The following SLC2A1 variants were observed in gnomAD, a reference collection of about 807,000 sequenced individuals.
SLC2A1 encodes solute carrier family 2 member 1.
SLC2A1 carries 4 observed loss-of-function variants against 46.6 expected under a neutral mutation model. That is an observed-to-expected ratio of 0.09 (90% CI 0.04 to 0.20). The LOEUF (loss-of-function observed/expected upper bound fraction) is 0.20. Ranked by LOEUF, SLC2A1 falls within the 10% of genes least tolerant of loss-of-function variation. The probability of loss-of-function intolerance (pLI) is 1.00; values close to 1 mark genes in which losing one functional copy is unlikely to be tolerated. For synonymous variants in SLC2A1, 253 were observed against 270.0 expected (o/e 0.94, Z 0.62); for missense variants, 352 against 667.0 (o/e 0.53, Z 5.20).
chr1:42,942,686 C>T (rs1427981485), intron 2 of SLC2A1, among the ~76,000 whole-genome samples: 1 of 151,944 alleles, frequency 6.6e-6, no homozygotes, highest in Admixed American at 6.6e-5. Context: ...GGTATGAGTG[C>T]AGGCTCAAGG....
At position 42,927,200 on chromosome 1, in the gene SLC2A1, G is replaced by A; in HGVS notation, c.1320C>T (p.Leu440=). The change falls in exon 10 of 10, where the codon CTC becomes CTT. Residue 440 remains leucine, a synonymous_variant. Coordinates refer to ENST00000426263, the MANE Select transcript of SLC2A1 (RefSeq NM_006516.4). This position sits in a 1 kb window ranked among gnomAD's most constrained non-coding sequence, Gnocchi z 5.3. The part of the protein sequence containing the change: ...GPYVFIIFTV[L]LVLFFIFTYF... ...AGGTGAAGATGAAGAACAGAACCAG[G>A]AGCACAGTGAAGATGATGAAGACGT... 6.2e-7 allele frequency: 1 copy of A among 1,614,136 alleles called. No individual in the cohort carries two copies. Among genetic ancestry groups the A allele is most frequent in the Non-Finnish European group, 8.5e-7 (1 of 1,180,026 alleles).
rs1473682645 is a variant in SLC2A1 at position 42,947,568 on chromosome 1, ACACACACACACAC to A, written c.19-4260_19-4248del. Among the ~76,000 whole-genome samples, 330 of 68,700 alleles carry A rather than the reference ACACACACACACAC, an allele frequency of 4.8e-3. 15 individuals are homozygous for A. The highest frequency in any genetic ancestry group is 8.1e-3 in the East Asian group (19 of 2,338). 45.1% of individuals were successfully genotyped at this position (68,700 alleles called of 152,430 possible). A position where few individuals can be genotyped will look rare whatever the true frequency, so the allele number is the denominator to read the frequency against. On this transcript the variant is annotated intron_variant, in intron 1 of 9. Transcript: ENST00000426263. ...GAAACCAGGTCTCTACTAAAATTAC[ACACACACACACAC>A]AAAAAAAAAAAAAAAAAAAAAAAAA...
At chr1:42,946,743 G>A (rs879750794) in intron 1 of SLC2A1, among the ~76,000 whole-genome samples, 1 of 152,092 alleles carries the variant, frequency 6.6e-6, no homozygotes, top group Non-Finnish European at 1.5e-5. Context: ...GGTGTAGGGG[G>A]AGGGACATGG....
In SLC2A1 at chr1:42,958,747, G is replaced by A. The variant is rs1175019928; in HGVS notation, c.-96C>T. 12 of 1,312,238 alleles carry A rather than the reference G, an allele frequency of 9.1e-6. No individual in the cohort carries two copies. The East Asian group carries it at 2.4e-4, about 26-fold the overall frequency. 81.3% of individuals were successfully genotyped at this position (1,312,238 alleles called of 1,614,324 possible). On this transcript the variant is annotated 5_prime_UTR_variant, in exon 1 of 10. Coordinates refer to ENST00000426263, the MANE Select transcript of SLC2A1 (RefSeq NM_006516.4). The stretch of plus-strand genomic sequence containing the variant: ...CCCGCTCAGGCTCGTGCTCCGGTCC[G>A]GGGACTCCCACTGCGACTCTGACTC...
Position 42,954,949 on chromosome 1 carries a change from G to A in SLC2A1, c.18+3685C>T, listed in dbSNP as rs75242753. 1.2e-3 allele frequency among the ~76,000 whole-genome samples: 176 copies of A among 152,318 alleles called. No homozygotes were observed. Among genetic ancestry groups the A allele is most frequent in the African/African-American group, 4.1e-3 (172 of 41,568 alleles). On this transcript the variant is annotated intron_variant, in intron 1 of 9. Coordinates refer to ENST00000426263, the MANE Select transcript of SLC2A1 (RefSeq NM_006516.4). The surrounding 1 kb of genome is among the most constrained non-coding windows in gnomAD (Gnocchi z 4.2). ...CCAAAGCAGCGCAGGGCACTCACAT[G>A]AGCTGACCCTCCCTGGCCTGGCACT...
intron 2 of SLC2A1, among the ~76,000 whole-genome samples, chr1:42,934,900 T>C (rs1643527017): frequency 6.6e-6 from 1 of 152,212 alleles, no homozygotes; most frequent in South Asian, 2.1e-4. Flanking sequence ...GGGTCTCATC[T>C]GGATTCTGCT....
In SLC2A1 at chr1:42,925,934, G is replaced by A. The variant is rs1643420668; in HGVS notation, c.*1107C>T. Reference sequence around the variant, plus strand: ...TTTTTGAACACCAACTATCAAATATGTGATAGAAATGCCTTGAATGTCAAG... The same window carrying A: ...TTTTTGAACACCAACTATCAAATATATGATAGAAATGCCTTGAATGTCAAG... On this transcript the variant is annotated 3_prime_UTR_variant, in exon 10 of 10. Transcript: ENST00000426263. The A allele has an allele frequency of 1.3e-5, 2 of 152,136 alleles. No individual in the cohort carries two copies. Among genetic ancestry groups the A allele is most frequent in the African/African-American group, 4.8e-5 (2 of 41,416 alleles). 9.4% of individuals were successfully genotyped at this position (152,136 alleles called of 1,614,324 possible).
chr1:42,937,643 G>C (rs1220963905), intron 2 of SLC2A1, among the ~76,000 whole-genome samples: 2 of 152,210 alleles, frequency 1.3e-5, no homozygotes, highest in East Asian at 1.9e-4. Flanking sequence ...TTCTTATAGA[G>C]CAGGGAAAAT....
At chr1:42,932,959 G>A (rs920624315) in intron 2 of SLC2A1, among the ~76,000 whole-genome samples, 31 of 152,174 alleles carry the variant, frequency 2.0e-4, no homozygotes, top group Admixed American at 1.9e-3. Flanking sequence ...CGCCATGCAG[G>A]GCAGTGAATA....
At position 42,927,551 on chromosome 1, in the gene SLC2A1, C is replaced by T. The variant is rs1464379288; in HGVS notation, c.1278+54G>A. 1.8e-5 allele frequency: 27 copies of T among 1,506,736 alleles called. No individual in the cohort carries two copies. The highest frequency in any genetic ancestry group is 2.3e-5 in the East Asian group (1 of 44,080). The allele number at this position is 1,506,736 out of a possible 1,614,324, so 93.3% of individuals were successfully genotyped here. A position where few individuals can be genotyped will look rare whatever the true frequency, so the allele number is the denominator to read the frequency against. On this transcript the variant is annotated intron_variant, in intron 9 of 9. Transcript: ENST00000426263. The surrounding 1 kb of genome is among the most constrained non-coding windows in gnomAD (Gnocchi z 5.3). ...GAGAATGCTGGGCCAGCACTTTGCA[C>T]AGCACTGTGGGGTCATGCGTGCGGG...
Position 42,958,725 on chromosome 1 carries a change from G to A in SLC2A1, c.-74C>T. ...ACGGGCGTGCGAGCGGCGCTCTCCC[G>A]CTCAGGCTCGTGCTCCGGTCCGGGG... is the stretch of plus-strand genomic sequence containing the variant. On this transcript the variant is annotated 5_prime_UTR_variant, in exon 1 of 10. Transcript: ENST00000426263. 2 of 1,465,292 alleles carry A rather than the reference G, an allele frequency of 1.4e-6. No individual in the cohort carries two copies. The highest frequency in any genetic ancestry group is 1.8e-6 in the Non-Finnish European group (2 of 1,086,036). 90.8% of individuals were successfully genotyped at this position (1,465,292 alleles called of 1,614,324 possible). A position where few individuals can be genotyped will look rare whatever the true frequency, so the allele number is the denominator to read the frequency against.
rs935400435 is a variant in SLC2A1, at chr1:42,929,693, T to G, written c.767A>C (p.Lys256Thr). 6.2e-7 allele frequency: 1 copy of G among 1,613,700 alleles called. No individual in the cohort carries two copies. The highest frequency in any genetic ancestry group is 1.3e-5 in the African/African-American group (1 of 74,884). ...EESRQMMREK[K>T]VTILELFRSP... is the part of the protein sequence containing the mutation. ...GCGGAACAGCTCCAGGATGGTGACC[T>G]TCTTCTCCCGCATCATCTGCCGACT... The change falls in exon 6 of 10, where the codon AAG (lysine) becomes ACG (threonine). Residue 256 changes from lysine (K) to threonine (T), a missense_variant. Lys to Thr is a moderately conservative substitution (Grantham distance 78). Transcript: ENST00000426263. The surrounding 1 kb of genome is among the most constrained non-coding windows in gnomAD (Gnocchi z 6.0).
Position 42,958,771 on chromosome 1 carries a change from T to C in SLC2A1, c.-120A>G. ...CGGGGACTCCCACTGCGACTCTGAC[T>C]CCGACCCCCGTCGTTTGGTCTCCTG... On this transcript the variant is annotated 5_prime_UTR_variant, in exon 1 of 10. Transcript: ENST00000426263. 9.3e-7 allele frequency: 1 copy of C among 1,072,078 alleles called. No homozygotes were observed. 66.4% of individuals were successfully genotyped at this position (1,072,078 alleles called of 1,614,324 possible). A position where few individuals can be genotyped will look rare whatever the true frequency, so the allele number is the denominator to read the frequency against.
chr1:42,958,276 T>C (rs981725648), intron 1 of SLC2A1, among the ~76,000 whole-genome samples: 6 of 151,192 alleles, frequency 4.0e-5, no homozygotes, highest in African/African-American at 1.2e-4. Flanking sequence ...GGGCCGAGGC[T>C]GGGCTGCTGC....
In SLC2A1 at chr1:42,958,639, T is replaced by C. The variant is rs780680200; in HGVS notation, c.13A>G (p.Ser5Gly). 6.5e-7 allele frequency: 1 copy of C among 1,532,388 alleles called. No homozygotes were observed. Among genetic ancestry groups the C allele is most frequent in the South Asian group, 1.2e-5 (1 of 83,308 alleles). 94.9% of individuals were successfully genotyped at this position (1,532,388 alleles called of 1,614,324 possible). A position where few individuals can be genotyped will look rare whatever the true frequency, so the allele number is the denominator to read the frequency against. The change falls in exon 1 of 10, where the codon AGC (serine) becomes GGC (glycine). Residue 5 changes from serine to glycine, a missense_variant. Physicochemically the swap from Ser to Gly is moderately conservative, Grantham distance 56 (BLOSUM62 0). Coordinates refer to ENST00000426263, the MANE Select transcript of SLC2A1 (RefSeq NM_006516.4). ...CCCGCGGGCGCGCGACTCACCTTGC[T>C]GCTGGGCTCCATGGCAGCGCTGCGC... MEPS[S>G]KKLTGRLMLA...
chr1:42,952,809 A>G (rs1342827338), intron 1 of SLC2A1, among the ~76,000 whole-genome samples: 1 of 152,216 alleles, frequency 6.6e-6, no homozygotes, highest in Non-Finnish European at 1.5e-5. Context: ...CCTCCAGCCC[A>G]AGAGAGTCCA....
rs1643478225 is a variant in SLC2A1 at position 42,930,616 on chromosome 1, C to T, written c.516+10G>A. The T allele has an allele frequency of 6.2e-7, 1 of 1,612,080 alleles. No homozygotes were observed. Among genetic ancestry groups the T allele is most frequent in the African/African-American group, 1.3e-5 (1 of 74,898 alleles). ...GCCGTGCCAGGCAGGTAGATCCTGC[C>T]CCAGCTTACCTGGGCGATGAGGATG... On this transcript the variant is annotated intron_variant, in intron 4 of 9. Transcript: ENST00000426263. The surrounding 1 kb of genome is among the most constrained non-coding windows in gnomAD (Gnocchi z 6.2).
At chr1:42,955,811 G>A (rs1322143930) in intron 1 of SLC2A1, among the ~76,000 whole-genome samples, 2 of 152,176 alleles carry the variant, frequency 1.3e-5, no homozygotes, top group Non-Finnish European at 1.5e-5. Context: ...AGGAGAGATC[G>A]TGGGCGAACC....
chr1:42,945,353 G>C (rs1448967726), intron 1 of SLC2A1, among the ~76,000 whole-genome samples: 1 of 152,016 alleles, frequency 6.6e-6, no homozygotes, highest in Non-Finnish European at 1.5e-5. Context: ...CTGGGTGACA[G>C]AGTGAGACTC....
Sources: allele counts gnomAD v4.1 joint callset (sites outside exome capture counted in the v4.1 genomes callset), GRCh38; gene constraint gnomAD v4.1.1; non-coding constraint Gnocchi (gnomAD v3.1); transcripts MANE v1.5; gene names NCBI Gene and HGNC (gene_info 2026-07-23, HGNC 2026-07-21).